TULP4: variants seen among roughly 807,000 people sequenced by gnomAD.
TULP4 encodes the protein TUB like protein 4, also known as tubby-related protein 4.
In TULP4, 16 loss-of-function variants were observed where a neutral mutation model predicts 129.0. The observed-to-expected ratio is 0.12, with a 90% CI of 0.08 to 0.19. The LOEUF is 0.19. Among genes scored for constraint, TULP4 ranks in the 10% least tolerant of loss-of-function variants. The pLI is 1.00. For missense variants in TULP4, 1,842 were observed against 2,059.1 expected (o/e 0.89, Z 2.04); for synonymous variants, 998 against 854.0 (o/e 1.17, Z -2.94).
At chr6:158,492,138 G>A (rs1219191793) in intron 9 of TULP4, among the ~76,000 whole-genome samples, 9 of 152,236 alleles carry the variant, frequency 5.9e-5, no homozygotes, top group Non-Finnish European at 1.3e-4. Flanking sequence ...GCTTACAGGT[G>A]TGAGCCACCG....
rs1305245876 is a variant in TULP4, at chr6:158,502,175, C to G, written c.2512C>G (p.Pro838Ala). 1.3e-6 allele frequency: 2 copies of G among 1,559,160 alleles called. No individual in the cohort carries two copies. The highest frequency in any genetic ancestry group is 1.8e-4 in the Middle Eastern group (1 of 5,482). ...GAAGATAAACCCTCCACCCCCGTAC[C>G]CAGGAACCATCCCCGCTGCCCCCAC... ...VTKINPPPPY[P>A]GTIPAAPTTA... is the part of the protein sequence containing the mutation. The change falls in exon 13 of 14, where the codon CCA (proline) becomes GCA (alanine). Residue 838 changes from proline to alanine, a missense_variant. Physicochemically the swap from Pro to Ala is conservative, Grantham distance 27. Around this residue, in one of 5 missense-constraint regions of TULP4, gnomAD observed 1,089 missense variants for 987.1 expected, o/e 1.10. Coordinates refer to ENST00000367097, the MANE Select transcript of TULP4 (RefSeq NM_020245.5).
intron 1 of TULP4, among the ~76,000 whole-genome samples, chr6:158,260,665 GGGA>G (rs1778335818): frequency 6.6e-6 from 1 of 152,082 alleles, no homozygotes; most frequent in Non-Finnish European, 1.5e-5. Context: ...GCAGAGTGAG[GGGA>G]GAAGAGGGAT....
chr6:158,407,039 A>G (rs541345254), intron 1 of TULP4, among the ~76,000 whole-genome samples: 12 of 152,288 alleles, frequency 7.9e-5, no homozygotes, highest in Admixed American at 5.2e-4. Flanking sequence ...TTGCCAACCA[A>G]CTGAGATTAA....
rs1218286508 is a variant in TULP4 at position 158,511,447 on chromosome 6, CTA to C, written c.*4754_*4755del. On this transcript the variant is annotated 3_prime_UTR_variant, in exon 14 of 14. Coordinates refer to ENST00000367097, the MANE Select transcript of TULP4 (RefSeq NM_020245.5). Reference sequence around the variant, plus strand: ...GCAGGTGCATAGGCCCCAGACCAAACTAGACCACCAGCATGTTCATGTCCAGA... The same window carrying C: ...GCAGGTGCATAGGCCCCAGACCAAACGACCACCAGCATGTTCATGTCCAGA... 6.7e-6 allele frequency: 1 copy of C among 148,624 alleles called. No homozygotes were observed. The highest frequency in any genetic ancestry group is 1.5e-5 in the Non-Finnish European group (1 of 67,626). 9.2% of individuals were successfully genotyped at this position (148,624 alleles called of 1,614,324 possible).
chr6:158,421,695 T>C (rs1778346392), intron 2 of TULP4, among the ~76,000 whole-genome samples: 1 of 152,168 alleles, frequency 6.6e-6, no homozygotes, highest in African/African-American at 2.4e-5. Context: ...CAGATGCAAA[T>C]TTTTCCCCAC....
At chr6:158,390,070 C>CAAA (rs759986693) in intron 1 of TULP4, among the ~76,000 whole-genome samples, 1 of 79,700 alleles carries the variant, frequency 1.3e-5, no homozygotes. Flanking sequence ...GACTCCGTCT[C>CAAA]AAAAAAAAAA....
intron 1 of TULP4, among the ~76,000 whole-genome samples, chr6:158,340,692 A>G (rs6928292): frequency 0.073 from 11,064 of 152,220 alleles, 627 homozygotes; most frequent in African/African-American, 0.16. Flanking sequence ...CCTCCTCGAC[A>G]AAGCGCCCTG....
At chr6:158,415,818 G>A (rs539793404) in intron 2 of TULP4, among the ~76,000 whole-genome samples, 4 of 152,166 alleles carry the variant, frequency 2.6e-5, no homozygotes, top group East Asian at 1.9e-4. Flanking sequence ...GAACTAATGC[G>A]GTAGATGTAT....
intron 1 of TULP4, among the ~76,000 whole-genome samples, chr6:158,239,665 C>T (rs867525869): frequency 9.4e-5 from 4 of 42,412 alleles, no homozygotes; most frequent in Admixed American, 4.8e-4. Context: ...CCTCCCGGAC[C>T]GGGCGGCTGG....
chr6:158,272,995 C>T (rs1778576824), intron 1 of TULP4, among the ~76,000 whole-genome samples: 1 of 152,152 alleles, frequency 6.6e-6, no homozygotes, highest in South Asian at 2.1e-4. Flanking sequence ...TGTCATTTTG[C>T]CTTTGGCGAA....
intron 1 of TULP4, among the ~76,000 whole-genome samples, chr6:158,367,626 G>C (rs1361975400): frequency 6.6e-6 from 1 of 152,138 alleles, no homozygotes; most frequent in Non-Finnish European, 1.5e-5. Context: ...AAAGATGTAT[G>C]AATTTAAAAC....
chr6:158,464,286 T>G (rs1779506774), intron 6 of TULP4, among the ~76,000 whole-genome samples: 1 of 152,202 alleles, frequency 6.6e-6, no homozygotes, highest in Non-Finnish European at 1.5e-5. Flanking sequence ...CACATGTTGG[T>G]TAAGCCTGTG....
intron 5 of TULP4, 113 bp downstream of exon 5, chr6:158,452,381 T>C: frequency 1.4e-6 from 2 of 1,395,568 alleles, no homozygotes; most frequent in Non-Finnish European, 1.9e-6. Flanking sequence ...TGGTGACACC[T>C]TCTGGGCTTC....
intron 3 of TULP4, among the ~76,000 whole-genome samples, chr6:158,446,686 A>G (rs1192309538): frequency 6.6e-6 from 1 of 152,152 alleles, no homozygotes; most frequent in African/African-American, 2.4e-5. Context: ...GGCTTAAACA[A>G]CAGACATTGA....
At chr6:158,329,465 T>TAAAAAAAAAAAA (rs10671642) in intron 1 of TULP4, among the ~76,000 whole-genome samples, 1 of 138,704 alleles carries the variant, frequency 7.2e-6, no homozygotes, top group Non-Finnish European at 1.5e-5. Flanking sequence ...ACCTTAACAT[T>TAAAAAAAAAAAA]AAAAAAAAAA....
At chr6:158,271,774 T>C (rs145640732) in intron 1 of TULP4, among the ~76,000 whole-genome samples, 3,647 of 152,260 alleles carry the variant, frequency 0.024, 64 homozygotes, top group Non-Finnish European at 0.036. Context: ...CAGGTGTAAC[T>C]GTCCTCCTAA....
chr6:158,418,890 A>G (rs933617012), intron 2 of TULP4, among the ~76,000 whole-genome samples: 3 of 152,238 alleles, frequency 2.0e-5, no homozygotes, highest in South Asian at 4.1e-4. Context: ...TGTTTTGGCT[A>G]TGGATTAAGG....
intron 1 of TULP4, among the ~76,000 whole-genome samples, chr6:158,234,940 A>G (rs1017520285): frequency 2.0e-5 from 3 of 152,164 alleles, no homozygotes; most frequent in African/African-American, 4.8e-5. Flanking sequence ...GCTGGGGCAG[A>G]TGGATCCCTT....
intron 1 of TULP4, among the ~76,000 whole-genome samples, chr6:158,256,756 C>T (rs1165160729): frequency 3.9e-5 from 6 of 152,148 alleles, no homozygotes; most frequent in East Asian, 1.9e-4. Flanking sequence ...TATATTAGGA[C>T]GTGATGTCGT....
Sources: allele counts gnomAD v4.1 joint callset (sites outside exome capture counted in the v4.1 genomes callset), GRCh38; gene constraint gnomAD v4.1.1; regional missense constraint gnomAD v4.1.1; transcripts MANE v1.5; gene names NCBI Gene and HGNC (gene_info 2026-07-23, HGNC 2026-07-21).